ARHGAP17: variants seen among roughly 807,000 people sequenced by gnomAD.
ARHGAP17 encodes the protein rho GTPase-activating protein 17.
A neutral mutation model predicts 99.5 loss-of-function variants in ARHGAP17; 57 were observed. That is an observed-to-expected ratio of 0.57 (90% CI 0.46 to 0.71). The LOEUF (loss-of-function observed/expected upper bound fraction) is 0.71, where lower values mean the gene tolerates loss of function less well. ARHGAP17 is among the 30% of genes least tolerant of loss of function. The pLI is 0.00. For synonymous variants in ARHGAP17, 417 were observed against 429.6 expected, an observed-to-expected ratio of 0.97 and a Z score of 0.36; for missense variants, 1,000 against 1,122.4, an observed-to-expected ratio of 0.89 and a Z score of 1.56.
At chr16:24,983,959 T>C (rs1004158747) in intron 1 of ARHGAP17, among the ~76,000 whole-genome samples, 3 of 152,188 alleles carry the variant, frequency 2.0e-5, no homozygotes, top group Non-Finnish European at 2.9e-5. Flanking sequence ...TGACCTGGTG[T>C]GGCAATGTCC....
chr16:24,941,248 ATTAT>A (rs1398025291), intron 16 of ARHGAP17, among the ~76,000 whole-genome samples: 1 of 152,250 alleles, frequency 6.6e-6, no homozygotes, highest in African/African-American at 2.4e-5. Flanking sequence ...TTCTAGTAGT[ATTAT>A]TTAATATACC....
intron 1 of ARHGAP17, among the ~76,000 whole-genome samples, chr16:24,982,336 G>A (rs1313086962): frequency 6.6e-6 from 1 of 151,888 alleles, no homozygotes; most frequent in African/African-American, 2.4e-5. Context: ...CCTGGGAGGC[G>A]GAGGTTGCAG....
At chr16:24,920,393 G>A (rs954775243) in intron 19 of ARHGAP17, 133 bp from the exon 20 acceptor site, 1 of 1,084,554 alleles carries the variant, frequency 9.2e-7, no homozygotes, top group Non-Finnish European at 1.3e-6. Flanking sequence ...CTTGCGAGAG[G>A]CCTCATCAGC....
intron 1 of ARHGAP17, among the ~76,000 whole-genome samples, chr16:25,006,401 GA>G (rs2141513666): frequency 6.8e-6 from 1 of 146,486 alleles, no homozygotes; most frequent in East Asian, 2.0e-4. Context: ...AGTGAGCCGA[GA>G]TCATGCCACT....
At chr16:25,013,648 A>T (rs2141560060) in intron 1 of ARHGAP17, among the ~76,000 whole-genome samples, 1 of 152,178 alleles carries the variant, frequency 6.6e-6, no homozygotes, top group Non-Finnish European at 1.5e-5. Context: ...GTGAAGGGAG[A>T]AGCCTCTAAG....
At chr16:25,003,768 A>T (rs1190006315) in intron 1 of ARHGAP17, among the ~76,000 whole-genome samples, 1 of 151,910 alleles carries the variant, frequency 6.6e-6, no homozygotes, top group Non-Finnish European at 1.5e-5. Context: ...GGTTGCAGTG[A>T]GCTGAGACTG....
At chr16:24,935,726 C>G (rs752000686) in intron 17 of ARHGAP17, 87 bp from the exon 18 acceptor site, 1 of 1,414,970 alleles carries the variant, frequency 7.1e-7, no homozygotes, top group African/African-American at 1.4e-5. Context: ...AGATTCCAAG[C>G]AGAGTTTTCA....
At chr16:24,920,441 G>T in intron 19 of ARHGAP17, 181 bp from the exon 20 acceptor site, 1 of 661,286 alleles carries the variant, frequency 1.5e-6, no homozygotes, top group African/African-American at 1.8e-5. Flanking sequence ...ACCCCAGAGG[G>T]CAGCTGAGTA....
chr16:24,999,224 A>G (rs2053289567), intron 1 of ARHGAP17, among the ~76,000 whole-genome samples: 1 of 152,182 alleles, frequency 6.6e-6, no homozygotes, highest in African/African-American at 2.4e-5. Flanking sequence ...TCTGTCTGTG[A>G]TATCTGCTCA....
At chr16:24,937,126 A>AAC (rs1182030139) in intron 17 of ARHGAP17, among the ~76,000 whole-genome samples, 23 of 151,568 alleles carry the variant, frequency 1.5e-4, no homozygotes, top group African/African-American at 5.3e-4. Context: ...GAAAAAAAAA[A>AAC]AACAACAAAA....
intron 8 of ARHGAP17, 60 bp from the exon 9 acceptor site, chr16:24,959,812 CAA>C: frequency 1.6e-5 from 25 of 1,603,884 alleles, no homozygotes; most frequent in Non-Finnish European, 2.1e-5. Flanking sequence ...GACACACACA[CAA>C]TGGCTGAGCA....
rs534748536 is a variant in ARHGAP17, at chr16:24,961,169, A to G, written c.574-1190T>C. Among the ~76,000 whole-genome samples the G allele has an allele frequency of 4.6e-5, 7 of 152,110 alleles. No individual in the cohort carries two copies. The South Asian group carries it at 1.5e-3, about 32-fold the overall frequency. On this transcript the variant is annotated intron_variant, in intron 7 of 19. Coordinates refer to ENST00000289968, the MANE Select transcript of ARHGAP17 (RefSeq NM_001006634.3). ...GTGAGCCACCACACTCAGCAATGTCATATTGTTATTGTCACATATGTATAA... is the reference window on the plus strand; with the variant it reads ...GTGAGCCACCACACTCAGCAATGTCGTATTGTTATTGTCACATATGTATAA...
At chr16:24,962,299 G>C (rs1334125587) in intron 7 of ARHGAP17, among the ~76,000 whole-genome samples, 1 of 152,158 alleles carries the variant, frequency 6.6e-6, no homozygotes, top group Non-Finnish European at 1.5e-5. Context: ...GACTAGTAAG[G>C]AGAAACAAGT....
chr16:24,968,450 T>A (rs1201625335), intron 5 of ARHGAP17, 23 bp from the exon 6 acceptor site: 4 of 1,612,986 alleles, frequency 2.5e-6, no homozygotes, highest in Non-Finnish European at 3.4e-6. Flanking sequence ...ACATACCAAA[T>A]GGGATGCACT....
rs1001649231 is a variant in ARHGAP17 at position 24,941,882 on chromosome 16, T to C, written c.1490+105A>G. The C allele has an allele frequency of 4.7e-6, 7 of 1,497,220 alleles. No homozygotes were observed. In the African/African-American group the frequency reaches 9.6e-5, roughly 21 times the overall value. The allele number at this position is 1,497,220 out of a possible 1,614,324, so 92.7% of individuals were successfully genotyped here. A position where few individuals can be genotyped will look rare whatever the true frequency, so the allele number is the denominator to read the frequency against. Reference sequence around the variant, plus strand: ...CTATCTGGACACCATCAGTCATGGGTGGATGGCGACCACTCTCAAATCCCA... The same window carrying C: ...CTATCTGGACACCATCAGTCATGGGCGGATGGCGACCACTCTCAAATCCCA... On this transcript the variant is annotated intron_variant, in intron 16 of 19. Coordinates refer to ENST00000289968, the MANE Select transcript of ARHGAP17 (RefSeq NM_001006634.3).
chr16:24,953,044 T>C lies in ARHGAP17; in HGVS notation c.853-2A>G. ...CCCAGCCCCAATTCGGAAAAGGCCC[T>C]AAAGATAATGAAAAGCCATCAGCAT... On this transcript the variant is annotated splice_acceptor_variant, in intron 10 of 19. Coordinates refer to ENST00000289968, the MANE Select transcript of ARHGAP17 (RefSeq NM_001006634.3). LOFTEE classifies it high-confidence loss of function. The C allele has an allele frequency of 6.2e-7, 1 of 1,613,976 alleles. No homozygotes were observed. The highest frequency in any genetic ancestry group is 1.1e-5 in the South Asian group (1 of 91,076).
chr16:24,925,925 A>G (rs146554594), intron 19 of ARHGAP17, among the ~76,000 whole-genome samples: 177 of 152,194 alleles, frequency 1.2e-3, no homozygotes, highest in African/African-American at 3.4e-3. Context: ...CTTGGCTAAC[A>G]TGGTGAAACC....
rs140639372 is a variant in ARHGAP17, at chr16:24,931,354, C to A, written c.1945G>T (p.Gly649Cys). 59 of 1,498,022 alleles carry A rather than the reference C, an allele frequency of 3.9e-5. No individual in the cohort carries two copies. The African/African-American group carries it at 7.1e-4, about 18-fold the overall frequency. 92.8% of individuals were successfully genotyped at this position (1,498,022 alleles called of 1,614,324 possible). A position where few individuals can be genotyped will look rare whatever the true frequency, so the allele number is the denominator to read the frequency against. ...APPKPGNPPP[G>C]HPGGQSSSGT... ...GAAGAACTCTGGCCCCCGGGGTGGC[C>A]AGGAGGTGGGTTGCCCGGTTTCGGG... Residue 649 changes from glycine (G) to cysteine (C), a missense_variant, in exon 19 of 20, where the codon GGC (glycine) becomes TGC (cysteine). Gly to Cys is a radical substitution (Grantham distance 159). Around this residue, in one of 2 missense-constraint regions of ARHGAP17, gnomAD observed 528 missense variants for 511.4 expected, o/e 1.03. Transcript: ENST00000289968.
At chr16:24,923,546 A>T (rs906955081) in intron 19 of ARHGAP17, among the ~76,000 whole-genome samples, 12 of 151,778 alleles carry the variant, frequency 7.9e-5, no homozygotes, top group South Asian at 2.1e-4. Context: ...GCAACATGAG[A>T]CTCCGTCTCT....
Sources: gnomAD v4.1 joint callset for allele counts (sites outside exome capture counted in the v4.1 genomes callset) on GRCh38, gnomAD v4.1.1 for gene constraint, gnomAD v4.1.1 regional missense constraint, MANE v1.5 for transcripts, NCBI Gene and HGNC (gene_info 2026-07-23, HGNC 2026-07-21) for gene names.